GSK3B: variants seen among roughly 807,000 people sequenced by gnomAD.
GSK3B encodes glycogen synthase kinase-3 beta.
In GSK3B, 15 loss-of-function variants were observed where a neutral mutation model predicts 56.4. That is an observed-to-expected ratio of 0.27 (90% confidence interval 0.18 to 0.41). The LOEUF is 0.41. Among genes scored for constraint, GSK3B ranks in the 10% least tolerant of loss-of-function variants. The probability of loss-of-function intolerance (pLI) is 1.00; values close to 1 mark genes in which losing one functional copy is unlikely to be tolerated. For synonymous variants in GSK3B, 181 were observed against 188.9 expected (o/e 0.96, Z 0.34); for missense variants, 300 against 513.4 (o/e 0.58, Z 4.02).
chr3:119,968,689 T>C (rs2057340443), intron 2 of GSK3B, among the ~76,000 whole-genome samples: 1 of 152,082 alleles, frequency 6.6e-6, no homozygotes, highest in Non-Finnish European at 1.5e-5. Flanking sequence ...AGCAAAATTG[T>C]GTAAGATGCA....
intron 8 of GSK3B, among the ~76,000 whole-genome samples, chr3:119,875,498 GACACACACACACACACACACACACACAC>G (rs66880409): frequency 6.9e-5 from 10 of 144,918 alleles, no homozygotes; most frequent in Admixed American, 1.4e-4. Context: ...GGTAACCCGT[GACACACACACACACACACACACACACAC>G]ACACACACAC....
At position 119,934,726 on chromosome 3, in the gene GSK3B, A is replaced by G. The variant is rs373533861; in HGVS notation, c.367-11243T>C. On this transcript the variant is annotated intron_variant, in intron 3 of 10. Transcript: ENST00000264235. ...CTTTGCAGGGTCTGTCCATATAGAC[A>G]TAAAAGCCCTATTACTGTATTGTTG... 8.5e-4 allele frequency among the ~76,000 whole-genome samples: 130 copies of G among 152,320 alleles called. 1 individual carries two copies. The highest frequency in any genetic ancestry group is 2.8e-3 in the African/African-American group (115 of 41,588).
At chr3:119,995,866 T>G (rs1173991190) in intron 2 of GSK3B, among the ~76,000 whole-genome samples, 1 of 151,464 alleles carries the variant, frequency 6.6e-6, no homozygotes, top group African/African-American at 2.4e-5. Flanking sequence ...GCCTTCCAAA[T>G]AGCTGGGACT....
chr3:119,941,263 C>T (rs1166077858), intron 3 of GSK3B, among the ~76,000 whole-genome samples: 2 of 152,134 alleles, frequency 1.3e-5, no homozygotes, highest in Non-Finnish European at 2.9e-5. Context: ...GAGATTCACC[C>T]GCCTCGGCCT....
At chr3:120,067,096 G>A (rs1042500024) in intron 1 of GSK3B, among the ~76,000 whole-genome samples, 4 of 152,114 alleles carry the variant, frequency 2.6e-5, no homozygotes, top group African/African-American at 9.7e-5. Flanking sequence ...TGGGCCACAT[G>A]TGGCCCGGGA....
At chr3:119,981,661 A>T (rs2057464410) in intron 2 of GSK3B, among the ~76,000 whole-genome samples, 1 of 152,238 alleles carries the variant, frequency 6.6e-6, no homozygotes, top group South Asian at 2.1e-4. Flanking sequence ...GCCATTGCTG[A>T]GGCTTGAGTA....
chr3:119,964,203 CAAAG>C (rs1479013405), intron 2 of GSK3B, among the ~76,000 whole-genome samples: 2 of 152,098 alleles, frequency 1.3e-5, no homozygotes. Context: ...CTGGAATAGA[CAAAG>C]AAGACATACA....
chr3:119,996,769 A>C (rs968087298), intron 2 of GSK3B, among the ~76,000 whole-genome samples: 1 of 152,154 alleles, frequency 6.6e-6, no homozygotes. Flanking sequence ...TAGTGATGAA[A>C]GATACAATGA....
chr3:119,874,562 G>A (rs1355045579), intron 8 of GSK3B, among the ~76,000 whole-genome samples: 1 of 151,716 alleles, frequency 6.6e-6, no homozygotes, highest in African/African-American at 2.4e-5. Context: ...ATGGAGGATG[G>A]GGACTGTTAA....
intron 7 of GSK3B, among the ~76,000 whole-genome samples, chr3:119,877,268 T>A (rs2056325227): frequency 6.6e-6 from 1 of 152,102 alleles, no homozygotes; most frequent in Non-Finnish European, 1.5e-5. Context: ...TATACAGCTG[T>A]CCCTTGGTAT....
intron 3 of GSK3B, among the ~76,000 whole-genome samples, chr3:119,924,059 C>T (rs1170679164): frequency 6.6e-6 from 1 of 152,216 alleles, no homozygotes; most frequent in African/African-American, 2.4e-5. Context: ...AGAACAATCA[C>T]TTGTCTTCTA....
chr3:120,045,292 T>C (rs2058093781), intron 1 of GSK3B, among the ~76,000 whole-genome samples: 1 of 152,198 alleles, frequency 6.6e-6, no homozygotes, highest in Admixed American at 6.5e-5. Flanking sequence ...ACTTCCTTGT[T>C]CTTTGTTCTC....
At chr3:120,079,092 C>A (rs1045253658) in intron 1 of GSK3B, among the ~76,000 whole-genome samples, 8 of 151,042 alleles carry the variant, frequency 5.3e-5, no homozygotes, top group Non-Finnish European at 8.9e-5. Flanking sequence ...CAAGCATGCA[C>A]CACCATGCCC....
At chr3:120,011,740 A>T (rs1055843962) in intron 1 of GSK3B, among the ~76,000 whole-genome samples, 7 of 152,130 alleles carry the variant, frequency 4.6e-5, no homozygotes, top group Non-Finnish European at 8.8e-5. Context: ...CGTGCCAAGG[A>T]AAAGCGCATT....
At position 119,908,128 on chromosome 3, in the gene GSK3B, T is replaced by C. The variant is rs1335693320; in HGVS notation, c.716-2276A>G. On this transcript the variant is annotated intron_variant, in intron 6 of 10. Coordinates refer to ENST00000264235, the MANE Select transcript of GSK3B (RefSeq NM_001146156.2). Reference sequence around the variant, plus strand: ...GAGGGTCTGTTTAAAAACATTACAGTCTTAAGAGGCAAGTATCCTAAGTTT... The same window carrying C: ...GAGGGTCTGTTTAAAAACATTACAGCCTTAAGAGGCAAGTATCCTAAGTTT... 2.6e-5 allele frequency among the ~76,000 whole-genome samples: 4 copies of C among 152,128 alleles called. No individual in the cohort carries two copies. The East Asian group carries it at 7.7e-4, about 29-fold the overall frequency.
In GSK3B at chr3:119,930,115, A is replaced by ACACG. The variant is rs2056930890; in HGVS notation, c.367-6633_367-6632insCGTG. On this transcript the variant is annotated intron_variant, in intron 3 of 10. Coordinates refer to ENST00000264235, the MANE Select transcript of GSK3B (RefSeq NM_001146156.2). The stretch of plus-strand genomic sequence containing the variant: ...CACACACACACACACACACACACAC[A>ACACG]CACACACACGTGCGCATGCACACAC... Among the ~76,000 whole-genome samples, 5 of 150,552 alleles carry ACACG rather than the reference A, an allele frequency of 3.3e-5. No homozygotes were observed. In the Admixed American group the frequency reaches 3.3e-4, roughly 10 times the overall value.
intron 7 of GSK3B, among the ~76,000 whole-genome samples, chr3:119,889,863 A>T (rs2056482392): frequency 6.6e-6 from 1 of 152,156 alleles, no homozygotes; most frequent in Non-Finnish European, 1.5e-5. Context: ...TACCATGCAA[A>T]ATCATAAGAA....
chr3:119,847,790 A>G (rs1397905391), intron 9 of GSK3B, among the ~76,000 whole-genome samples: 2 of 152,224 alleles, frequency 1.3e-5, no homozygotes, highest in Non-Finnish European at 2.9e-5. Context: ...TACAGGAAAT[A>G]CTGTACAAAC....
chr3:120,032,682 A>G (rs908450107), intron 1 of GSK3B, among the ~76,000 whole-genome samples: 13 of 152,228 alleles, frequency 8.5e-5, no homozygotes, highest in Non-Finnish European at 5.9e-5. Flanking sequence ...GAAAAATTTA[A>G]TTATATACGT....
Sources: gnomAD v4.1 joint callset for allele counts (sites outside exome capture counted in the v4.1 genomes callset) on GRCh38, gnomAD v4.1.1 for gene constraint, MANE v1.5 for transcripts, NCBI Gene and HGNC (gene_info 2026-07-23, HGNC 2026-07-21) for gene names.